The following ABCA13 variants were observed in gnomAD, a reference collection of about 807,000 sequenced individuals.
The protein encoded by ABCA13 is ATP binding cassette subfamily A member 13.
Under a neutral mutation model 478.7 loss-of-function variants are expected in ABCA13, and 476 were observed. The observed-to-expected ratio is 0.99, with a 90% CI of 0.92 to 1.07. The LOEUF is 1.07. Among genes scored for constraint, ABCA13 ranks in the 50% least tolerant of loss-of-function variants. The pLI is 0.00. For missense variants in ABCA13, 6,060 were observed against 5,910.6 expected, an observed-to-expected ratio of 1.03 and a Z score of -0.83; for synonymous variants, 2,252 against 2,158.9, an observed-to-expected ratio of 1.04 and a Z score of -1.20.
chr7:48,531,568 T>C (rs904244744), intron 55 of ABCA13, among the ~76,000 whole-genome samples: 3 of 152,096 alleles, frequency 2.0e-5, no homozygotes, highest in African/African-American at 7.2e-5. Flanking sequence ...ACTGAAATTG[T>C]AGATTGCTTT....
chr7:48,382,562 A>G (rs1355867893), intron 35 of ABCA13, among the ~76,000 whole-genome samples: 4 of 152,226 alleles, frequency 2.6e-5, no homozygotes, highest in East Asian at 1.9e-4. Context: ...GGACATATTC[A>G]TACTAAAACA....
chr7:48,251,207 T>C (rs1014756187), intron 15 of ABCA13, among the ~76,000 whole-genome samples: 7 of 152,166 alleles, frequency 4.6e-5, no homozygotes, highest in African/African-American at 1.7e-4. Context: ...ACTTTAACTT[T>C]CTCCTATACT....
Position 48,338,463 on chromosome 7 carries a change from T to G in ABCA13, c.10204+8T>G. 1 of 1,578,754 alleles carries G rather than the reference T, an allele frequency of 6.3e-7. No individual in the cohort carries two copies. Among genetic ancestry groups the G allele is most frequent in the Non-Finnish European group, 8.6e-7 (1 of 1,160,986 alleles). On this transcript the variant is annotated splice_region_variant and intron_variant, in intron 29 of 61. Transcript: ENST00000435803. ...AAAAACTCCAGACATACGGTAAGTG[T>G]GCTGATGGGCATGGTAGTGTTCTTC...
chr7:48,568,966 T>C (rs920470137), intron 55 of ABCA13, among the ~76,000 whole-genome samples: 4 of 151,956 alleles, frequency 2.6e-5, no homozygotes, highest in African/African-American at 9.7e-5. Flanking sequence ...TTAAGATTGG[T>C]AGAAATATTT....
intron 10 of ABCA13, among the ~76,000 whole-genome samples, chr7:48,244,325 C>G (rs1335953846): frequency 6.6e-6 from 1 of 152,214 alleles, no homozygotes; most frequent in Admixed American, 6.5e-5. Context: ...TTACACACAC[C>G]TAGGAATATA....
chr7:48,321,944 CA>C (rs917949833), intron 27 of ABCA13, among the ~76,000 whole-genome samples: 3 of 152,190 alleles, frequency 2.0e-5, no homozygotes, highest in Non-Finnish European at 4.4e-5. Flanking sequence ...TGGAGAACAT[CA>C]GGGGGTTTGA....
chr7:48,354,872 G>C (rs73097201), intron 31 of ABCA13, among the ~76,000 whole-genome samples: 19,441 of 151,936 alleles, frequency 0.13, 1,509 homozygotes, highest in East Asian at 0.31. Context: ...CTAAAGCACA[G>C]TTTGTACTGT....
rs775532301 is a variant in ABCA13 at position 48,272,840 on chromosome 7, C to A, written c.3174C>A (p.Ile1058=). Residue 1058 remains isoleucine, a synonymous_variant, in exon 17 of 62, where the codon ATC becomes ATA. Coordinates refer to ENST00000435803, the MANE Select transcript of ABCA13 (RefSeq NM_152701.5). ...CAGAGGGCCAAGAACTGGAAGTGAT[C>A]CACACTACTTTGACAGGCCTCAAAC... ...MSTEGQELEV[I]HTTLTGLKQL... 3 of 1,607,230 alleles carry A rather than the reference C, an allele frequency of 1.9e-6. No individual in the cohort carries two copies. Among genetic ancestry groups the A allele is most frequent in the African/African-American group, 1.3e-5 (1 of 74,804 alleles).
At chr7:48,433,533 A>T (rs1181905159) in intron 42 of ABCA13, among the ~76,000 whole-genome samples, 2 of 150,822 alleles carry the variant, frequency 1.3e-5, no homozygotes, top group African/African-American at 2.4e-5. Flanking sequence ...TATACATAAT[A>T]TAAATTTTAC....
In ABCA13 at chr7:48,403,831, C is replaced by A; in HGVS notation, c.12022C>A (p.Pro4008Thr). The A allele has an allele frequency of 2.5e-6, 4 of 1,613,682 alleles. No individual in the cohort carries two copies. Among genetic ancestry groups the A allele is most frequent in the African/African-American group, 1.3e-5 (1 of 74,988 alleles). ...GGATGAGCCCACCAGTGGGGTGGAC[C>A]CTTGCTCCCGGCATAGCCTGTGGGA... ...VLDEPTSGVD[P>T]CSRHSLWDIL... Residue 4008 changes from proline (P) to threonine (T), a missense_variant, in exon 39 of 62, where the codon CCT becomes ACT. Around this residue, in one of 3 missense-constraint regions of ABCA13, gnomAD observed 1,627 missense variants for 1,571.0 expected, o/e 1.04. Coordinates refer to ENST00000435803, the MANE Select transcript of ABCA13 (RefSeq NM_152701.5).
chr7:48,242,706 C>T (rs1260152231), intron 10 of ABCA13, among the ~76,000 whole-genome samples: 2 of 152,110 alleles, frequency 1.3e-5, no homozygotes, highest in Non-Finnish European at 2.9e-5. Flanking sequence ...CCCAAAGTGC[C>T]GGAATTCCAG....
intron 38 of ABCA13, among the ~76,000 whole-genome samples, chr7:48,396,995 G>A (rs978266432): frequency 1.3e-5 from 2 of 152,184 alleles, no homozygotes; most frequent in African/African-American, 4.8e-5. Flanking sequence ...CACAGAATAC[G>A]GTAGAGGCTT....
chr7:48,259,338 C>G (rs1235666138), intron 15 of ABCA13, among the ~76,000 whole-genome samples: 2 of 152,126 alleles, frequency 1.3e-5, no homozygotes, highest in Non-Finnish European at 2.9e-5. Context: ...TGGATTGAAC[C>G]TTTACCATTA....
chr7:48,481,989 C>T (rs930375516), intron 46 of ABCA13, among the ~76,000 whole-genome samples: 25 of 151,986 alleles, frequency 1.6e-4, no homozygotes, highest in African/African-American at 6.0e-4. Context: ...ATTCTTCAGT[C>T]TCCTTTTATC....
intron 19 of ABCA13, 137 bp downstream of exon 19, chr7:48,281,589 T>C: frequency 1.3e-6 from 1 of 752,888 alleles, no homozygotes; most frequent in African/African-American, 1.8e-5. Flanking sequence ...CAACCAGGCC[T>C]TGAGGGATCT....
chr7:48,290,939 G>GAAAAAA (rs754416012), intron 20 of ABCA13, among the ~76,000 whole-genome samples: 17 of 79,584 alleles, frequency 2.1e-4, no homozygotes, highest in Non-Finnish European at 2.5e-4. Flanking sequence ...TCACACTCAG[G>GAAAAAA]GAAAAAAAAA....
intron 13 of ABCA13, among the ~76,000 whole-genome samples, chr7:48,247,140 A>T (rs1198321047): frequency 6.6e-6 from 1 of 152,108 alleles, no homozygotes; most frequent in Non-Finnish European, 1.5e-5. Flanking sequence ...CAGGAGGCTG[A>T]GGTGGGAGAA....
intron 42 of ABCA13, among the ~76,000 whole-genome samples, chr7:48,441,911 G>A (rs1221773190): frequency 6.6e-6 from 1 of 152,190 alleles, no homozygotes; most frequent in African/African-American, 2.4e-5. Context: ...TGTGCGATGA[G>A]TAACAACAAA....
In ABCA13 at chr7:48,274,005, C is replaced by A. The variant is rs1274047589; in HGVS notation, c.4339C>A (p.Pro1447Thr). 8 of 1,607,070 alleles carry A rather than the reference C, an allele frequency of 5.0e-6. No homozygotes were observed. The East Asian group carries it at 1.8e-4, about 36-fold the overall frequency. Residue 1447 changes from proline to threonine, a missense_variant, in exon 17 of 62, where the codon CCT (proline) becomes ACT (threonine). Transcript: ENST00000435803. ...AACTTGGGTGTTAAATATAAAAAAACCTCTTTGTTCATCAAATGGCTCACA... is the reference window on the plus strand; with the variant it reads ...AACTTGGGTGTTAAATATAAAAAAAACTCTTTGTTCATCAAATGGCTCACA... ...IVTWVLNIKK[P>T]LCSSNGSHIN...
Sources: allele counts gnomAD v4.1 joint callset (sites outside exome capture counted in the v4.1 genomes callset), GRCh38; gene constraint gnomAD v4.1.1; regional missense constraint gnomAD v4.1.1; transcripts MANE v1.5; gene names NCBI Gene and HGNC (gene_info 2026-07-23, HGNC 2026-07-21).